ENAH: variants seen among roughly 807,000 people sequenced by gnomAD.
The protein encoded by ENAH is ENAH actin regulator, also known as protein enabled homolog.
Under a neutral mutation model 78.7 loss-of-function variants are expected in ENAH, and 23 were observed. The ratio of observed to expected loss-of-function variants is 0.29; its 90% CI spans 0.21 to 0.41. The LOEUF (loss-of-function observed/expected upper bound fraction) is 0.41. ENAH is among the 10% of genes least tolerant of loss of function. The pLI is 1.00. For missense variants in ENAH, 544 were observed against 691.0 expected, an observed-to-expected ratio of 0.79 and a Z score of 2.39; for synonymous variants, 226 against 241.0, an observed-to-expected ratio of 0.94 and a Z score of 0.58.
intron 1 of ENAH, among the ~76,000 whole-genome samples, chr1:225,621,941 T>C (rs866069754): frequency 6.6e-6 from 1 of 152,174 alleles, no homozygotes; most frequent in Non-Finnish European, 1.5e-5. Context: ...GATTCTCTCA[T>C]AGCCTCCCTC....
chr1:225,518,785 T>C (rs2096442136), intron 5 of ENAH, among the ~76,000 whole-genome samples: 1 of 152,160 alleles, frequency 6.6e-6, no homozygotes, highest in African/African-American at 2.4e-5. Context: ...TCCTCCAAAA[T>C]CTTTAGAATG....
chr1:225,628,962 T>TAGAGAGTA (rs1426849552), intron 1 of ENAH, among the ~76,000 whole-genome samples: 1 of 149,072 alleles, frequency 6.7e-6, no homozygotes, highest in Non-Finnish European at 1.5e-5. Flanking sequence ...GCAAACTGAC[T>TAGAGAGTA]AGAGAGTAAG....
At position 225,517,950 on chromosome 1, in the gene ENAH, A is replaced by T. The variant is rs1575375510; in HGVS notation, c.803-644T>A. 3.2e-6 allele frequency: 5 copies of T among 1,547,842 alleles called. No homozygotes were observed. The East Asian group carries it at 1.2e-4, about 38-fold the overall frequency. Reference sequence around the variant, plus strand: ...AAGGAGGCTGGCAACTGGAATACTCAGGAAGTGGAGCGTTATACAGGGAGC... The same window carrying T: ...AAGGAGGCTGGCAACTGGAATACTCTGGAAGTGGAGCGTTATACAGGGAGC... On this transcript the variant is annotated intron_variant, in intron 5 of 13. Transcript: ENST00000366843.
chr1:225,526,037 A>G (rs1315995254), intron 4 of ENAH, among the ~76,000 whole-genome samples: 8 of 152,166 alleles, frequency 5.3e-5, no homozygotes, highest in Non-Finnish European at 1.0e-4. Context: ...CTACAAAGGA[A>G]GAGTCTAGCA....
intron 1 of ENAH, among the ~76,000 whole-genome samples, chr1:225,590,446 A>AAAAAAAG (rs200306466): frequency 6.6e-6 from 1 of 152,040 alleles, no homozygotes; most frequent in African/African-American, 2.4e-5. Context: ...CCTGTCTCAA[A>AAAAAAAG]AAAAAAGAAA....
chr1:225,515,311 G>A (rs2096409237), intron 6 of ENAH: 1 of 163,628 alleles, frequency 6.1e-6, no homozygotes, highest in Non-Finnish European at 1.3e-5. Flanking sequence ...TTAACCTTAA[G>A]TGTTGAGACA....
intron 1 of ENAH, among the ~76,000 whole-genome samples, chr1:225,577,568 A>T (rs1187830953): frequency 2.0e-5 from 3 of 152,262 alleles, no homozygotes; most frequent in Non-Finnish European, 4.4e-5. Flanking sequence ...AGAATAATAA[A>T]TAAAAGGTAA....
intron 3 of ENAH, among the ~76,000 whole-genome samples, chr1:225,540,504 G>C (rs2096583915): frequency 6.6e-6 from 1 of 152,056 alleles, no homozygotes; most frequent in African/African-American, 2.4e-5. Flanking sequence ...AACATACTTA[G>C]GGGTGGGGAA....
chr1:225,492,519 G>A lies in ENAH; in HGVS notation c.*5256C>T, dbSNP rs1273472346. ...TGTGTCCTACACCAGAAGCGTCTACGGGCCCTGCTCTCTGCTCTTTATGAG... is the reference window on the plus strand; with the variant it reads ...TGTGTCCTACACCAGAAGCGTCTACAGGCCCTGCTCTCTGCTCTTTATGAG... On this transcript the variant is annotated 3_prime_UTR_variant, in exon 14 of 14. Transcript: ENST00000366843. 2 of 152,128 alleles carry A rather than the reference G, an allele frequency of 1.3e-5. No individual in the cohort carries two copies. Among genetic ancestry groups the A allele is most frequent in the South Asian group, 2.1e-4 (1 of 4,826 alleles). The allele number at this position is 152,128 out of a possible 1,614,324, so 9.4% of individuals were successfully genotyped here. A position where few individuals can be genotyped will look rare whatever the true frequency, so the allele number is the denominator to read the frequency against.
chr1:225,548,593 G>A (rs1204718103), intron 3 of ENAH, among the ~76,000 whole-genome samples: 2 of 152,162 alleles, frequency 1.3e-5, no homozygotes, highest in African/African-American at 2.4e-5. Flanking sequence ...CTGAAGGCTC[G>A]AAAACCCAAT....
At chr1:225,580,743 C>A (rs896934564) in intron 1 of ENAH, among the ~76,000 whole-genome samples, 1 of 151,824 alleles carries the variant, frequency 6.6e-6, no homozygotes, top group Non-Finnish European at 1.5e-5. Flanking sequence ...CATGGTGAAA[C>A]CCTGTCTCTA....
chr1:225,623,608 C>T (rs1466243258), intron 1 of ENAH, among the ~76,000 whole-genome samples: 12 of 141,330 alleles, frequency 8.5e-5, no homozygotes, highest in East Asian at 2.0e-4. Context: ...TTTTTTGAGA[C>T]GGAGTCTTGC....
chr1:225,502,105 A>C (rs1294754461), intron 11 of ENAH, among the ~76,000 whole-genome samples: 2 of 152,186 alleles, frequency 1.3e-5, no homozygotes, highest in African/African-American at 4.8e-5. Context: ...AGGCATAATA[A>C]ATTTTTCAAA....
intron 1 of ENAH, among the ~76,000 whole-genome samples, chr1:225,572,720 T>A (rs1212757113): frequency 6.6e-6 from 1 of 152,172 alleles, no homozygotes; most frequent in Non-Finnish European, 1.5e-5. Context: ...TCTTCAAGAT[T>A]CTGAGTCAGT....
At chr1:225,520,072 T>C (rs2096455327) in intron 4 of ENAH, among the ~76,000 whole-genome samples, 1 of 152,132 alleles carries the variant, frequency 6.6e-6, no homozygotes, top group African/African-American at 2.4e-5. Flanking sequence ...GGCAGGTGCA[T>C]CACTTGAGGT....
At chr1:225,505,073 T>C in intron 11 of ENAH, 1 of 1,573,680 alleles carries the variant, frequency 6.4e-7, no homozygotes, top group Non-Finnish European at 8.7e-7. Flanking sequence ...GGAAAACCAT[T>C]GAAAGGGATA....
At chr1:225,622,015 T>C (rs1327100184) in intron 1 of ENAH, among the ~76,000 whole-genome samples, 3 of 152,246 alleles carry the variant, frequency 2.0e-5, no homozygotes, top group Non-Finnish European at 4.4e-5. Context: ...ACAATCTATG[T>C]ACTATCATCT....
rs1291415653 is a variant in ENAH, at chr1:225,490,833, T to C, written c.*6942A>G. ...GTCAACGTCTTTTACCAACCATCCATGGGCTATTGCTGAGTTGCGGAACTA... is the reference window on the plus strand; with the variant it reads ...GTCAACGTCTTTTACCAACCATCCACGGGCTATTGCTGAGTTGCGGAACTA... On this transcript the variant is annotated 3_prime_UTR_variant, in exon 14 of 14. Transcript: ENST00000366843. 6.6e-6 allele frequency: 1 copy of C among 152,268 alleles called. No individual in the cohort carries two copies. Among genetic ancestry groups the C allele is most frequent in the African/African-American group, 2.4e-5 (1 of 41,458 alleles). The allele number at this position is 152,268 out of a possible 1,614,324, so 9.4% of individuals were successfully genotyped here. A position where few individuals can be genotyped will look rare whatever the true frequency, so the allele number is the denominator to read the frequency against.
intron 1 of ENAH, among the ~76,000 whole-genome samples, chr1:225,630,339 T>G (rs1658777258): frequency 6.6e-6 from 1 of 152,314 alleles, no homozygotes; most frequent in South Asian, 2.1e-4. Flanking sequence ...AGAGTTGGAC[T>G]GTTGGTGTTT....
Sources: gnomAD v4.1 joint callset for allele counts (sites outside exome capture counted in the v4.1 genomes callset) on GRCh38, gnomAD v4.1.1 for gene constraint, MANE v1.5 for transcripts, NCBI Gene and HGNC (gene_info 2026-07-23, HGNC 2026-07-21) for gene names.